Variants in ANKS1B observed in about 807,000 individuals in gnomAD.
ANKS1B encodes ankyrin repeat and sterile alpha motif domain containing 1B, also known as ankyrin repeat and sterile alpha motif domain-containing protein 1B.
A neutral mutation model predicts 148.3 loss-of-function variants in ANKS1B; 36 were observed. The ratio of observed to expected loss-of-function variants is 0.24; its 90% CI spans 0.19 to 0.32. ANKS1B has a LOEUF of 0.32. Ranked by LOEUF, ANKS1B falls within the 10% of genes least tolerant of loss-of-function variation. The probability of loss-of-function intolerance (pLI) is 1.00; values close to 1 mark genes in which losing one functional copy is unlikely to be tolerated. For synonymous variants in ANKS1B, 542 were observed against 560.8 expected (o/e 0.97, Z 0.47); for missense variants, 1,157 against 1,542.6 (o/e 0.75, Z 4.19).
At chr12:99,469,268 C>T (rs1452292094) in intron 10 of ANKS1B, among the ~76,000 whole-genome samples, 2 of 124,804 alleles carry the variant, frequency 1.6e-5, no homozygotes, top group African/African-American at 3.2e-5. Context: ...GGAAGGGGAA[C>T]ATCACACTCT....
At position 98,954,241 on chromosome 12, in the gene ANKS1B, C is replaced by T. The variant is rs540000462; in HGVS notation, c.2778+98916G>A. On this transcript the variant is annotated intron_variant, in intron 17 of 26. Transcript: ENST00000683438. Reference sequence around the variant, plus strand: ...CCTCAAGATCCTTGAAATCTGCGAACCTGTTTTATTTTTCTTTAGTATCTC... The same window carrying T: ...CCTCAAGATCCTTGAAATCTGCGAATCTGTTTTATTTTTCTTTAGTATCTC... The T allele has an allele frequency of 3.3e-5, 5 of 152,284 alleles. No homozygotes were observed. In the South Asian group the frequency reaches 8.3e-4, roughly 25 times the overall value. 9.4% of individuals were successfully genotyped at this position (152,284 alleles called of 1,614,324 possible). A position where few individuals can be genotyped will look rare whatever the true frequency, so the allele number is the denominator to read the frequency against.
intron 1 of ANKS1B, among the ~76,000 whole-genome samples, chr12:99,925,512 C>A (rs888401891): frequency 6.6e-6 from 1 of 152,134 alleles, no homozygotes; most frequent in African/African-American, 2.4e-5. Context: ...TGGTCTTGGA[C>A]TCCCAAGCCA....
chr12:99,755,594 CAAAAAAAAAA>C (rs369571107), intron 8 of ANKS1B, among the ~76,000 whole-genome samples: 1 of 123,254 alleles, frequency 8.1e-6, no homozygotes, highest in Admixed American at 8.1e-5. Flanking sequence ...CAAAAATCCT[CAAAAAAAAAA>C]AAAAAAAAAC....
intron 8 of ANKS1B, among the ~76,000 whole-genome samples, chr12:99,671,898 GA>G (rs1410394362): frequency 6.6e-6 from 1 of 151,972 alleles, no homozygotes; most frequent in Non-Finnish European, 1.5e-5. Context: ...GCTAGCCAAA[GA>G]AAATAAAACC....
intron 1 of ANKS1B, among the ~76,000 whole-genome samples, chr12:99,846,703 A>ACAG (rs1413842541): frequency 1.5e-4 from 23 of 152,170 alleles, no homozygotes; most frequent in Non-Finnish European, 1.6e-4. Flanking sequence ...ACCAAAAGGC[A>ACAG]CAGAATTTAC....
intron 4 of ANKS1B, among the ~76,000 whole-genome samples, chr12:99,804,961 C>G (rs1180015162): frequency 5.3e-5 from 8 of 152,126 alleles, no homozygotes; most frequent in Admixed American, 3.3e-4. Context: ...AGACAACATC[C>G]AGCCAGCCTC....
intron 19 of ANKS1B, among the ~76,000 whole-genome samples, chr12:98,811,993 A>AACC (rs1399513921): frequency 6.6e-6 from 1 of 152,218 alleles, no homozygotes; most frequent in Non-Finnish European, 1.5e-5. Context: ...AAGAATAAAG[A>AACC]ACCTACCCCT....
chr12:99,277,268 C>T (rs2077793492), intron 12 of ANKS1B, among the ~76,000 whole-genome samples: 1 of 152,054 alleles, frequency 6.6e-6, no homozygotes, highest in African/African-American at 2.4e-5. Context: ...GTTTATTTCC[C>T]ACTGAGTACC....
intron 12 of ANKS1B, among the ~76,000 whole-genome samples, chr12:99,398,399 A>G (rs978567625): frequency 2.0e-5 from 3 of 152,170 alleles, no homozygotes; most frequent in Non-Finnish European, 2.9e-5. Flanking sequence ...CAAAGATTAT[A>G]TGGAATACTC....
chr12:99,319,972 A>G (rs1228612541), intron 12 of ANKS1B, among the ~76,000 whole-genome samples: 1 of 152,174 alleles, frequency 6.6e-6, no homozygotes, highest in Non-Finnish European at 1.5e-5. Context: ...GCTGGATATG[A>G]AATTCTGGGT....
intron 9 of ANKS1B, among the ~76,000 whole-genome samples, chr12:99,557,656 T>C (rs1290736570): frequency 6.6e-6 from 1 of 152,232 alleles, no homozygotes; most frequent in Non-Finnish European, 1.5e-5. Context: ...CTGAATTCTA[T>C]GTCTGTCATT....
At chr12:98,988,337 A>G (rs1250738646) in intron 17 of ANKS1B, among the ~76,000 whole-genome samples, 1 of 152,174 alleles carries the variant, frequency 6.6e-6, no homozygotes, top group Non-Finnish European at 1.5e-5. Flanking sequence ...TAGATTCCAT[A>G]TGGTGAGATC....
intron 10 of ANKS1B, among the ~76,000 whole-genome samples, chr12:99,465,270 C>A (rs541159796): frequency 6.6e-6 from 1 of 152,192 alleles, no homozygotes; most frequent in African/African-American, 2.4e-5. Flanking sequence ...CCAGGCCTGC[C>A]CTAAAAGAGC....
intron 12 of ANKS1B, among the ~76,000 whole-genome samples, chr12:99,320,958 G>A (rs2154031395): frequency 6.6e-6 from 1 of 152,276 alleles, no homozygotes; most frequent in Admixed American, 6.5e-5. Flanking sequence ...GTTGGAGTTT[G>A]CTGGAGGTCC....
chr12:98,882,840 T>C (rs770199555), intron 17 of ANKS1B, among the ~76,000 whole-genome samples: 9 of 152,106 alleles, frequency 5.9e-5, no homozygotes, highest in Non-Finnish European at 1.0e-4. Context: ...CCAAAATGTA[T>C]ATTAAGATAC....
At position 98,888,935 on chromosome 12, in the gene ANKS1B, A is replaced by G. The variant is rs58082132; in HGVS notation, c.2779-56799T>C. ...GACCTTGTCTATCTTGTTCATCATTATATCTCCTGCTCAAAGAATGTGCCC... is the reference window on the plus strand; with the variant it reads ...GACCTTGTCTATCTTGTTCATCATTGTATCTCCTGCTCAAAGAATGTGCCC... On this transcript the variant is annotated intron_variant, in intron 17 of 26. Coordinates refer to ENST00000683438, the MANE Select transcript of ANKS1B (RefSeq NM_001352186.2). Among the ~76,000 whole-genome samples the G allele has an allele frequency of 5.2e-3, 785 of 152,326 alleles. 9 individuals are homozygous for G. Among genetic ancestry groups the G allele is most frequent in the African/African-American group, 0.018 (747 of 41,562 alleles).
chr12:99,430,181 T>C (rs1397972392), intron 11 of ANKS1B, among the ~76,000 whole-genome samples: 2 of 152,160 alleles, frequency 1.3e-5, no homozygotes, highest in Admixed American at 1.3e-4. Flanking sequence ...CTGTGATAAA[T>C]ATAGAAGATA....
chr12:99,600,240 GTTAATC>G (rs1165442325), intron 9 of ANKS1B, among the ~76,000 whole-genome samples: 1 of 151,932 alleles, frequency 6.6e-6, no homozygotes, highest in Non-Finnish European at 1.5e-5. Flanking sequence ...GAAAAGAACT[GTTAATC>G]TTAAAAGGCT....
chr12:99,014,408 A>G (rs1598452650), intron 17 of ANKS1B, among the ~76,000 whole-genome samples: 2 of 152,222 alleles, frequency 1.3e-5, no homozygotes, highest in East Asian at 3.8e-4. Context: ...GAAATCAAAA[A>G]CTACAAAAAC....
Sources: allele counts gnomAD v4.1 joint callset (sites outside exome capture counted in the v4.1 genomes callset), GRCh38; gene constraint gnomAD v4.1.1; transcripts MANE v1.5; gene names NCBI Gene and HGNC (gene_info 2026-07-23, HGNC 2026-07-21).